Variants in PTPN12 observed in about 807,000 individuals in gnomAD.
PTPN12 encodes the protein tyrosine-protein phosphatase non-receptor type 12.
Under a neutral mutation model 97.6 loss-of-function variants are expected in PTPN12, and 29 were observed. That is an observed-to-expected ratio of 0.30 (90% CI 0.22 to 0.41). PTPN12 has a LOEUF of 0.41. Ranked by LOEUF, PTPN12 falls within the 10% of genes least tolerant of loss-of-function variation. PTPN12 has a pLI of 1.00. For synonymous variants in PTPN12, 327 were observed against 300.4 expected, an observed-to-expected ratio of 1.09 and a Z score of -0.91; for missense variants, 819 against 926.0, an observed-to-expected ratio of 0.88 and a Z score of 1.50.
chr7:77,611,873 T>G (rs951348557), intron 11 of PTPN12, among the ~76,000 whole-genome samples: 2 of 152,216 alleles, frequency 1.3e-5, no homozygotes, highest in African/African-American at 4.8e-5. Context: ...CTTCTAGACC[T>G]GACAAAAACA....
chr7:77,554,501 C>A (rs562601872), intron 1 of PTPN12, among the ~76,000 whole-genome samples: 2 of 152,154 alleles, frequency 1.3e-5, no homozygotes, highest in African/African-American at 4.8e-5. Context: ...TCTGAATAAA[C>A]GTATCAGATC....
chr7:77,613,340 A>C (rs551012592), intron 11 of PTPN12, among the ~76,000 whole-genome samples: 54 of 149,964 alleles, frequency 3.6e-4, no homozygotes, highest in African/African-American at 1.3e-3. Context: ...ATGCTCAGCT[A>C]ATTTTTGTAT....
intron 2 of PTPN12, among the ~76,000 whole-genome samples, chr7:77,573,097 C>CAAAAAAAAAA (rs1383453267): frequency 6.2e-5 from 3 of 48,516 alleles, no homozygotes; most frequent in East Asian, 6.2e-4. Flanking sequence ...AAAAAAAAAA[C>CAAAAAAAAAA]AAAAAAACAA....
At chr7:77,636,553 G>C (rs1410067161) in intron 15 of PTPN12, among the ~76,000 whole-genome samples, 1 of 152,144 alleles carries the variant, frequency 6.6e-6, no homozygotes, top group Non-Finnish European at 1.5e-5. Context: ...CTGCACTCCA[G>C]CCTGAGTGAC....
chr7:77,581,534 G>T, intron 3 of PTPN12, 31 bp downstream of exon 3: 2 of 1,375,030 alleles, frequency 1.5e-6, no homozygotes, highest in South Asian at 1.3e-5. Context: ...GTGTTTCTCT[G>T]CCATATTAAT....
At chr7:77,544,915 C>T (rs946724039) in intron 1 of PTPN12, among the ~76,000 whole-genome samples, 6 of 152,344 alleles carry the variant, frequency 3.9e-5, no homozygotes, top group African/African-American at 1.4e-4. Flanking sequence ...ATCATGAGAA[C>T]TGCTTCTTCC....
At chr7:77,577,546 C>T (rs1420229266) in intron 2 of PTPN12, among the ~76,000 whole-genome samples, 1 of 152,066 alleles carries the variant, frequency 6.6e-6, no homozygotes. Flanking sequence ...GTTCCTTACT[C>T]CCTTTCCTTG....
intron 11 of PTPN12, among the ~76,000 whole-genome samples, chr7:77,611,303 G>A (rs1212074573): frequency 2.6e-5 from 4 of 152,196 alleles, no homozygotes; most frequent in East Asian, 1.9e-4. Flanking sequence ...CATATAATTC[G>A]TTAATGTTTT....
intron 2 of PTPN12, among the ~76,000 whole-genome samples, chr7:77,576,997 C>T (rs1478441914): frequency 6.6e-6 from 1 of 152,156 alleles, no homozygotes; most frequent in Middle Eastern, 3.2e-3. Context: ...TTTGGTGTGT[C>T]ATTGCTTTTA....
chr7:77,637,322 T>C (rs1789629902), intron 16 of PTPN12, among the ~76,000 whole-genome samples: 1 of 152,194 alleles, frequency 6.6e-6, no homozygotes, highest in African/African-American at 2.4e-5. Flanking sequence ...TTTCTGTTTT[T>C]TATTTTCTGT....
intron 9 of PTPN12, among the ~76,000 whole-genome samples, chr7:77,607,880 A>G (rs1168514863): frequency 6.6e-6 from 1 of 151,812 alleles, no homozygotes; most frequent in Non-Finnish European, 1.5e-5. Context: ...CAGCCTCCCT[A>G]GCAGCTGGGA....
chr7:77,557,797 CA>C (rs143508693), intron 1 of PTPN12, among the ~76,000 whole-genome samples: 1,551 of 152,104 alleles, frequency 0.01, 34 homozygotes, highest in African/African-American at 0.036. Context: ...AAGTGCTGAA[CA>C]CAGGAAAAAA....
chr7:77,585,516 A>G lies in PTPN12; in HGVS notation c.382-27A>G, dbSNP rs183679070. Reference sequence around the variant, plus strand: ...ATTGTGTTTAACTGATACGTTCTTTATCTCACTCCCCACCATCACTTTTTA... The same window carrying G: ...ATTGTGTTTAACTGATACGTTCTTTGTCTCACTCCCCACCATCACTTTTTA... On this transcript the variant is annotated intron_variant, in intron 4 of 17. Transcript: ENST00000248594. 31 of 1,592,306 alleles carry G rather than the reference A, an allele frequency of 1.9e-5. No homozygotes were observed. The South Asian group carries it at 2.0e-4, about 10-fold the overall frequency.
intron 1 of PTPN12, 136 bp downstream of exon 1, chr7:77,537,781 C>T (rs1252607209): frequency 3.0e-6 from 3 of 983,932 alleles, no homozygotes; most frequent in Non-Finnish European, 4.2e-6. Context: ...CCGGGTGAGC[C>T]GGGTGGTCTC....
chr7:77,621,753 G>A lies in PTPN12; in HGVS notation c.1025+3188G>A, dbSNP rs571919966. On this transcript the variant is annotated intron_variant, in intron 12 of 17. Transcript: ENST00000248594. ...TGTCCTGTACGTAATTACATGTGCTGTGCTTTTATATGACTGACAGCATAG... is the reference window on the plus strand; with the variant it reads ...TGTCCTGTACGTAATTACATGTGCTATGCTTTTATATGACTGACAGCATAG... 2.0e-5 allele frequency among the ~76,000 whole-genome samples: 3 copies of A among 152,178 alleles called. No homozygotes were observed. In the South Asian group the frequency reaches 6.2e-4, roughly 32 times the overall value.
rs565330877 is a variant in PTPN12, at chr7:77,626,483, G to A, written c.1026-222G>A. Among the ~76,000 whole-genome samples the A allele has an allele frequency of 2.6e-5, 4 of 152,220 alleles. No homozygotes were observed. The South Asian group carries it at 8.3e-4, about 32-fold the overall frequency. On this transcript the variant is annotated intron_variant, in intron 12 of 17. Transcript: ENST00000248594. ...CCTCTGGCTAACAGGAGGGCTGCGG[G>A]GCAGAGACTATGTTTTTCATTCAAA...
At chr7:77,567,900 G>T (rs117173185) in intron 1 of PTPN12, among the ~76,000 whole-genome samples, 2,783 of 152,198 alleles carry the variant, frequency 0.018, 34 homozygotes, top group Middle Eastern at 0.071. Flanking sequence ...ACACAGAGAG[G>T]TTAAATATGT....
chr7:77,625,485 C>CTCTCTCTCTCTT (rs1344755014), intron 12 of PTPN12, among the ~76,000 whole-genome samples: 14 of 95,752 alleles, frequency 1.5e-4, no homozygotes, highest in Non-Finnish European at 2.8e-4. Context: ...CTCTCTCTCT[C>CTCTCTCTCTCTT]TCTCTCTCTC....
intron 5 of PTPN12, among the ~76,000 whole-genome samples, chr7:77,589,238 C>A (rs887681522): frequency 6.6e-6 from 1 of 152,110 alleles, no homozygotes; most frequent in African/African-American, 2.4e-5. Flanking sequence ...TTGTTTGTTT[C>A]CTATCTTCAA....
Sources: gnomAD v4.1 joint callset for allele counts (sites outside exome capture counted in the v4.1 genomes callset) on GRCh38, gnomAD v4.1.1 for gene constraint, MANE v1.5 for transcripts, NCBI Gene and HGNC (gene_info 2026-07-23, HGNC 2026-07-21) for gene names.